APBB2: variants seen among roughly 807,000 people sequenced by gnomAD.
APBB2 encodes Fe65-like 1.
Under a neutral mutation model 82.5 loss-of-function variants are expected in APBB2, and 38 were observed. The ratio of observed to expected loss-of-function variants is 0.46; its 90% CI spans 0.36 to 0.60. The LOEUF is 0.60. APBB2 is among the 20% of genes least tolerant of loss of function. APBB2 has a pLI of 0.00. For synonymous variants in APBB2, 341 were observed against 368.2 expected (o/e 0.93, Z 0.85); for missense variants, 772 against 972.3 (o/e 0.79, Z 2.74).
At chr4:41,155,850 T>C (rs923678601) in intron 1 of APBB2, among the ~76,000 whole-genome samples, 1 of 152,214 alleles carries the variant, frequency 6.6e-6, no homozygotes, top group South Asian at 2.1e-4. Flanking sequence ...TCCAGAAATA[T>C]CTGTTTAATT....
chr4:41,116,925 ATTCTCAC>A (rs1751178868), intron 2 of APBB2, among the ~76,000 whole-genome samples: 3 of 152,166 alleles, frequency 2.0e-5, no homozygotes, highest in Non-Finnish European at 4.4e-5. Context: ...TCCAAAAGAC[ATTCTCAC>A]ACGTTCCCAC....
At chr4:40,834,754 A>G (rs1448724307) in intron 12 of APBB2, among the ~76,000 whole-genome samples, 1 of 152,172 alleles carries the variant, frequency 6.6e-6, no homozygotes, top group African/African-American at 2.4e-5. Context: ...CAGCCTCAAG[A>G]AGCTGGAAAA....
At chr4:41,111,090 C>T (rs564850181) in intron 2 of APBB2, among the ~76,000 whole-genome samples, 5 of 152,178 alleles carry the variant, frequency 3.3e-5, no homozygotes, top group African/African-American at 1.2e-4. Flanking sequence ...ATGCACAAGT[C>T]ACAAAAGGGC....
chr4:41,009,576 C>T (rs1469520661), intron 6 of APBB2, among the ~76,000 whole-genome samples: 1 of 152,070 alleles, frequency 6.6e-6, no homozygotes, highest in Non-Finnish European at 1.5e-5. Context: ...AAAGGATGCC[C>T]CTGAGGTAGA....
intron 10 of APBB2, among the ~76,000 whole-genome samples, chr4:40,908,297 C>T (rs187284992): frequency 5.3e-4 from 81 of 152,266 alleles, no homozygotes; most frequent in African/African-American, 1.9e-3. Context: ...TAGTTGAAGC[C>T]ACCTCGTCTG....
At chr4:40,825,829 GCCT>G (rs769712545) in intron 15 of APBB2, 55 bp downstream of exon 15, 2 of 1,405,410 alleles carry the variant, frequency 1.4e-6, no homozygotes, top group Non-Finnish European at 2.0e-6. Flanking sequence ...GAGGGCGAAC[GCCT>G]CCTGTGAGCT....
rs114150472 is a variant in APBB2 at position 40,872,571 on chromosome 4, A to G, written c.1529+17793T>C. Among the ~76,000 whole-genome samples, 377 of 152,288 alleles carry G rather than the reference A, an allele frequency of 2.5e-3. 4 individuals carry two copies. The highest frequency in any genetic ancestry group is 8.7e-3 in the African/African-American group (363 of 41,558). ...TCCTTGGTGCCAAGCATGGTGGCAGACACATGCTAGGGACTTAACACATGG... is the reference window on the plus strand; with the variant it reads ...TCCTTGGTGCCAAGCATGGTGGCAGGCACATGCTAGGGACTTAACACATGG... On this transcript the variant is annotated intron_variant, in intron 12 of 17. Transcript: ENST00000508593.
chr4:40,923,046 C>T (rs1294466240), intron 10 of APBB2, among the ~76,000 whole-genome samples: 1 of 128,502 alleles, frequency 7.8e-6, no homozygotes, highest in East Asian at 2.4e-4. Context: ...ACAATCTTGG[C>T]TCACTGCAAG....
chr4:40,995,724 A>G (rs1306011255), intron 6 of APBB2, among the ~76,000 whole-genome samples: 1 of 152,092 alleles, frequency 6.6e-6, no homozygotes, highest in Non-Finnish European at 1.5e-5. Context: ...TTACAGAGAC[A>G]GGGTCTTGCC....
intron 7 of APBB2, among the ~76,000 whole-genome samples, chr4:40,937,892 T>C (rs906118933): frequency 7.9e-5 from 12 of 152,270 alleles, no homozygotes; most frequent in Non-Finnish European, 1.8e-4. Flanking sequence ...TAATAATTTT[T>C]AGTTAACAAA....
intron 10 of APBB2, among the ~76,000 whole-genome samples, chr4:40,908,789 A>G (rs1777763304): frequency 6.6e-6 from 1 of 152,162 alleles, no homozygotes; most frequent in African/African-American, 2.4e-5. Flanking sequence ...AGAGCCGACA[A>G]TGGGGGAGCC....
At position 41,130,781 on chromosome 4, in the gene APBB2, C is replaced by G. The variant is rs536829680; in HGVS notation, c.-261+12206G>C. 3.4e-4 allele frequency among the ~76,000 whole-genome samples: 51 copies of G among 152,238 alleles called. 2 individuals carry two copies. The South Asian group carries it at 0.01, about 31-fold the overall frequency. On this transcript the variant is annotated intron_variant, in intron 2 of 17. Coordinates refer to ENST00000508593, the MANE Select transcript of APBB2 (RefSeq NM_004307.2). ...GCCCTCCCCACTTCTGCTCCCCATC[C>G]GCCCTCCCTTCTCTCCATGGCCCTA...
intron 1 of APBB2, among the ~76,000 whole-genome samples, chr4:41,145,259 TCTTTACACTGGGGCCTTG>T (rs1760395325): frequency 6.6e-6 from 1 of 152,172 alleles, no homozygotes; most frequent in South Asian, 2.1e-4. Context: ...AATGGTGGAA[TCTTTACACTGGGGCCTTG>T]GCAACCCATT....
chr4:40,917,818 T>A (rs983955168), intron 10 of APBB2, among the ~76,000 whole-genome samples: 7 of 152,318 alleles, frequency 4.6e-5, no homozygotes, highest in African/African-American at 1.7e-4. Context: ...AAAAGAGATG[T>A]TAAAACAAGG....
intron 6 of APBB2, among the ~76,000 whole-genome samples, chr4:40,964,093 A>AC (rs975710706): frequency 3.3e-5 from 5 of 151,886 alleles, no homozygotes; most frequent in African/African-American, 1.2e-4. Flanking sequence ...TATCCCTCCA[A>AC]CCCCCCACCA....
chr4:41,073,902 C>T (rs1734719866), intron 3 of APBB2, among the ~76,000 whole-genome samples: 1 of 152,126 alleles, frequency 6.6e-6, no homozygotes, highest in Non-Finnish European at 1.5e-5. Context: ...TCACTTGAGG[C>T]CAGCAGTTCA....
At chr4:40,828,650 A>G (rs1043490593) in intron 13 of APBB2, among the ~76,000 whole-genome samples, 3 of 152,138 alleles carry the variant, frequency 2.0e-5, no homozygotes, top group Non-Finnish European at 4.4e-5. Flanking sequence ...CATAAATGGC[A>G]TTCCATTCTA....
chr4:40,935,164 G>T, intron 7 of APBB2, 25 bp from the exon 8 acceptor site: 3 of 1,372,974 alleles, frequency 2.2e-6, no homozygotes, highest in Non-Finnish European at 2.9e-6. Context: ...ATTCACATAG[G>T]AAAAAAGCAC....
In APBB2 at chr4:40,977,369, C is replaced by A. The variant is rs1244360609; in HGVS notation, c.836-32296G>T. On this transcript the variant is annotated intron_variant, in intron 6 of 17. Coordinates refer to ENST00000508593, the MANE Select transcript of APBB2 (RefSeq NM_004307.2). ...TTGCTCTTGTCTCCCCAGCTGTGCA[C>A]TGGCATAATCTCAGCTCACTGCAAT... Among the ~76,000 whole-genome samples, 4 of 150,608 alleles carry A rather than the reference C, an allele frequency of 2.7e-5. No homozygotes were observed. The East Asian group carries it at 7.8e-4, about 29-fold the overall frequency.
Sources: gnomAD v4.1 joint callset for allele counts (sites outside exome capture counted in the v4.1 genomes callset) on GRCh38, gnomAD v4.1.1 for gene constraint, MANE v1.5 for transcripts, NCBI Gene and HGNC (gene_info 2026-07-23, HGNC 2026-07-21) for gene names.